The following LMO7 variants were observed in gnomAD, a reference collection of about 807,000 sequenced individuals.
LMO7 encodes LIM domain only protein 7.
In LMO7, 120 loss-of-function variants were observed where a neutral mutation model predicts 206.5. The observed-to-expected ratio is 0.58, with a 90% CI of 0.50 to 0.68. LMO7 has a LOEUF of 0.68. Ranked by LOEUF, LMO7 falls within the 30% of genes least tolerant of loss-of-function variation. The probability of loss-of-function intolerance (pLI) is 0.00; values close to 1 mark genes in which losing one functional copy is unlikely to be tolerated. For synonymous variants in LMO7, 706 were observed against 681.5 expected (o/e 1.04, Z -0.56); for missense variants, 1,959 against 1,957.9 (o/e 1.00, Z -0.01).
chr13:75,772,754 G>C (rs773950891), intron 4 of LMO7, among the ~76,000 whole-genome samples: 1 of 152,096 alleles, frequency 6.6e-6, no homozygotes, highest in Non-Finnish European at 1.5e-5. Context: ...TGGAGATATG[G>C]GGGAGTTTGT....
chr13:75,712,907 T>C (rs1369404994), intron 1 of LMO7, among the ~76,000 whole-genome samples: 4 of 151,178 alleles, frequency 2.6e-5, no homozygotes, highest in Non-Finnish European at 4.4e-5. Flanking sequence ...TTTAGCTCTT[T>C]TGTGTATCAT....
chr13:75,644,600 A>G (rs1327825213), intron 1 of LMO7, among the ~76,000 whole-genome samples: 1 of 152,198 alleles, frequency 6.6e-6, no homozygotes, highest in East Asian at 1.9e-4. Flanking sequence ...ATCATCAAAT[A>G]TATGTAAGTT....
chr13:75,824,063 A>T (rs113307049), intron 15 of LMO7, among the ~76,000 whole-genome samples, 190 bp downstream of exon 15: 1 of 152,212 alleles, frequency 6.6e-6, no homozygotes, highest in Non-Finnish European at 1.5e-5. Context: ...ATAGATCCAG[A>T]TAACACTTGT....
Position 75,807,994 on chromosome 13 carries a change from A to G in LMO7, c.1711A>G (p.Ser571Gly), listed in dbSNP as rs2055769509. The change falls in exon 10 of 31, where the codon AGT becomes GGT. Residue 571 changes from serine to glycine, a missense_variant. Ser to Gly is a moderately conservative substitution (Grantham distance 56). Coordinates refer to ENST00000377534, the MANE Select transcript of LMO7 (RefSeq NM_001306080.2). Reference protein sequence around the residue: ...LERTCPSKEKSNSCRILVPSY... With the variant: ...LERTCPSKEKGNSCRILVPSY... ...AAGGACATGCCCATCCAAAGAAAAA[A>G]GTAATAGCTGTAGAATATTAGTTCC... The G allele has an allele frequency of 6.2e-7, 1 of 1,613,826 alleles. No homozygotes were observed. Among genetic ancestry groups the G allele is most frequent in the African/African-American group, 1.3e-5 (1 of 74,888 alleles).
At chr13:75,845,041 A>G (rs971379416) in intron 25 of LMO7, among the ~76,000 whole-genome samples, 3 of 152,206 alleles carry the variant, frequency 2.0e-5, no homozygotes, top group Admixed American at 6.5e-5. Flanking sequence ...CATCGACAAC[A>G]ATTGATCAAT....
At chr13:75,764,472 G>T (rs80092555) in intron 4 of LMO7, among the ~76,000 whole-genome samples, 1 of 152,064 alleles carries the variant, frequency 6.6e-6, no homozygotes, top group Non-Finnish European at 1.5e-5. Context: ...TCTGGCAAGC[G>T]TCATGGTCTT....
chr13:75,669,879 G>C (rs764189798), intron 1 of LMO7, among the ~76,000 whole-genome samples: 1 of 152,258 alleles, frequency 6.6e-6, no homozygotes, highest in East Asian at 1.9e-4. Context: ...GAGGTTTCAG[G>C]ATATGGGATA....
chr13:75,838,615 G>C (rs2059344757), intron 20 of LMO7, among the ~76,000 whole-genome samples: 1 of 152,104 alleles, frequency 6.6e-6, no homozygotes, highest in Non-Finnish European at 1.5e-5. Flanking sequence ...TTAAAAACCT[G>C]ACTTGTTTTT....
intron 11 of LMO7, among the ~76,000 whole-genome samples, chr13:75,814,782 A>G (rs745509823): frequency 5.9e-5 from 9 of 152,184 alleles, no homozygotes; most frequent in Non-Finnish European, 5.9e-5. Flanking sequence ...CAGAGAAGGA[A>G]ACACAGAGGG....
At chr13:75,701,867 C>T (rs1234663417) in intron 1 of LMO7, among the ~76,000 whole-genome samples, 1 of 152,146 alleles carries the variant, frequency 6.6e-6, no homozygotes, top group Non-Finnish European at 1.5e-5. Context: ...TAATAGGACT[C>T]AGGTTGTCTT....
intron 1 of LMO7, among the ~76,000 whole-genome samples, chr13:75,683,612 A>G (rs987990091): frequency 6.6e-6 from 1 of 152,210 alleles, no homozygotes; most frequent in Non-Finnish European, 1.5e-5. Flanking sequence ...TGAACCCAAT[A>G]GTATCTGAGA....
chr13:75,641,421 A>G (rs1397014545), intron 1 of LMO7, among the ~76,000 whole-genome samples: 4 of 152,198 alleles, frequency 2.6e-5, no homozygotes, highest in Non-Finnish European at 5.9e-5. Flanking sequence ...ACTGATTTTA[A>G]GTATACCATT....
At chr13:75,641,615 G>A (rs1037453285) in intron 1 of LMO7, among the ~76,000 whole-genome samples, 6 of 152,054 alleles carry the variant, frequency 3.9e-5, no homozygotes, top group African/African-American at 1.4e-4. Flanking sequence ...GCCAAGAAAT[G>A]TCTTAATGCC....
At chr13:75,770,432 A>G (rs1237612037) in intron 4 of LMO7, among the ~76,000 whole-genome samples, 3 of 152,058 alleles carry the variant, frequency 2.0e-5, no homozygotes, top group Admixed American at 6.6e-5. Flanking sequence ...TGTCAATAGC[A>G]TCCACTGAAT....
intron 7 of LMO7, among the ~76,000 whole-genome samples, chr13:75,803,999 A>G (rs1203250581): frequency 1.3e-5 from 2 of 152,222 alleles, no homozygotes; most frequent in Non-Finnish European, 2.9e-5. Flanking sequence ...ATCTTATGGA[A>G]AATCATGGAG....
chr13:75,771,771 A>G (rs2049776351), intron 4 of LMO7, among the ~76,000 whole-genome samples: 1 of 152,096 alleles, frequency 6.6e-6, no homozygotes, highest in Non-Finnish European at 1.5e-5. Context: ...AGATGATTAC[A>G]TATTAAATTT....
chr13:75,802,504 G>A (rs756593334), intron 7 of LMO7, among the ~76,000 whole-genome samples: 2 of 152,206 alleles, frequency 1.3e-5, no homozygotes, highest in Non-Finnish European at 2.9e-5. Flanking sequence ...AAAAGGGGAA[G>A]GGATAGAGGG....
intron 1 of LMO7, among the ~76,000 whole-genome samples, chr13:75,692,310 G>A (rs1210133052): frequency 1.3e-5 from 2 of 152,056 alleles, no homozygotes; most frequent in African/African-American, 4.8e-5. Flanking sequence ...TTTCAGGGTC[G>A]TTAGTTCATT....
intron 26 of LMO7, among the ~76,000 whole-genome samples, chr13:75,846,418 A>G (rs1241952797): frequency 1.3e-5 from 2 of 152,124 alleles, no homozygotes; most frequent in African/African-American, 4.8e-5. Flanking sequence ...TCAGTTCCCA[A>G]TTTATCACGT....
Sources: gnomAD v4.1 joint callset for allele counts (sites outside exome capture counted in the v4.1 genomes callset) on GRCh38, gnomAD v4.1.1 for gene constraint, MANE v1.5 for transcripts, NCBI Gene and HGNC (gene_info 2026-07-23, HGNC 2026-07-21) for gene names.